Variants in CNOT4 observed in about 807,000 individuals in gnomAD.
The protein encoded by CNOT4 is CCR4-NOT transcription complex subunit 4.
In CNOT4, 8 loss-of-function variants were observed where a neutral mutation model predicts 73.8. The ratio of observed to expected loss-of-function variants is 0.11; its 90% CI spans 0.06 to 0.20. CNOT4 has a LOEUF of 0.20. Ranked by LOEUF, CNOT4 falls within the 10% of genes least tolerant of loss-of-function variation. The pLI is 1.00. For synonymous variants in CNOT4, 293 were observed against 321.1 expected (o/e 0.91, Z 0.94); for missense variants, 564 against 883.4 (o/e 0.64, Z 4.58).
intron 10 of CNOT4, among the ~76,000 whole-genome samples, chr7:135,385,681 ATATAAG>A (rs975361403): frequency 6.6e-6 from 1 of 152,220 alleles, no homozygotes; most frequent in Non-Finnish European, 1.5e-5. Flanking sequence ...AAAATTTGAA[ATATAAG>A]TATTCAATAC....
chr7:135,432,076 G>C (rs1798881715), intron 2 of CNOT4, among the ~76,000 whole-genome samples: 2 of 152,080 alleles, frequency 1.3e-5, no homozygotes, highest in African/African-American at 4.8e-5. Context: ...GAATAACAAA[G>C]TTGAAAACCT....
At position 135,447,276 on chromosome 7, in the gene CNOT4, G is replaced by A. The variant is rs191260833; in HGVS notation, c.-92-8853C>T. ...AGAGTAGCTATGAACAGTGTGCTAA[G>A]TGAAAAAGTTTAAATATCAGCACTA... On this transcript the variant is annotated intron_variant, in intron 1 of 11. Transcript: ENST00000541284. Among the ~76,000 whole-genome samples the A allele has an allele frequency of 1.2e-3, 184 of 152,296 alleles. 1 individual carries two copies. Among genetic ancestry groups the A allele is most frequent in the Non-Finnish European group, 4.1e-4 (28 of 68,010 alleles).
intron 3 of CNOT4, among the ~76,000 whole-genome samples, chr7:135,416,281 C>T (rs1461101695): frequency 6.6e-6 from 1 of 152,112 alleles, no homozygotes; most frequent in Admixed American, 6.6e-5. Context: ...AGAATCAAAG[C>T]TTCATGAATA....
At chr7:135,432,397 A>T (rs1256725426) in intron 2 of CNOT4, among the ~76,000 whole-genome samples, 1 of 152,162 alleles carries the variant, frequency 6.6e-6, no homozygotes, top group Non-Finnish European at 1.5e-5. Context: ...CCCTAGAGTT[A>T]ATCTGTTTTG....
At chr7:135,504,103 C>G (rs564008669) in intron 1 of CNOT4, among the ~76,000 whole-genome samples, 7 of 152,276 alleles carry the variant, frequency 4.6e-5, no homozygotes, top group African/African-American at 1.7e-4. Context: ...CACTTCCACT[C>G]TATTCCAAAC....
At position 135,397,438 on chromosome 7, in the gene CNOT4, T is replaced by G. The variant is rs1796755667; in HGVS notation, c.879+731A>C. Among the ~76,000 whole-genome samples, 5 of 152,300 alleles carry G rather than the reference T, an allele frequency of 3.3e-5. No homozygotes were observed. In the South Asian group the frequency reaches 1.0e-3, roughly 32 times the overall value. On this transcript the variant is annotated intron_variant, in intron 8 of 11. Coordinates refer to ENST00000541284, the MANE Select transcript of CNOT4 (RefSeq NM_001190850.2). ...CAAGGGGATATACAGATTTCCACAT[T>G]CTTTTACAAAATGTGTCATTAAAAC... is the stretch of plus-strand genomic sequence containing the variant.
chr7:135,402,592 T>C (rs567843619), intron 7 of CNOT4, among the ~76,000 whole-genome samples: 1 of 152,300 alleles, frequency 6.6e-6, no homozygotes, highest in South Asian at 2.1e-4. Flanking sequence ...TGGTATTTGA[T>C]GATCACTGAA....
At chr7:135,504,188 G>A (rs1473752377) in intron 1 of CNOT4, among the ~76,000 whole-genome samples, 3 of 151,994 alleles carry the variant, frequency 2.0e-5, no homozygotes, top group Non-Finnish European at 4.4e-5. Context: ...ATTAAGAAAT[G>A]CTCCACCCCT....
At chr7:135,383,533 G>A (rs760946210) in intron 10 of CNOT4, among the ~76,000 whole-genome samples, 24 of 152,142 alleles carry the variant, frequency 1.6e-4, no homozygotes, top group Non-Finnish European at 2.4e-4. Flanking sequence ...GATTCCCCAG[G>A]TGCCCATCTG....
chr7:135,457,908 G>A (rs568280227), intron 1 of CNOT4, among the ~76,000 whole-genome samples: 1 of 152,138 alleles, frequency 6.6e-6, no homozygotes, highest in Admixed American at 6.5e-5. Flanking sequence ...CACTCTTAAT[G>A]CAATCAACAT....
chr7:135,503,860 G>A (rs758244346), intron 1 of CNOT4, among the ~76,000 whole-genome samples: 1 of 152,058 alleles, frequency 6.6e-6, no homozygotes, highest in Admixed American at 6.6e-5. Flanking sequence ...ACTTCAATTA[G>A]AGCATTCACA....
chr7:135,430,106 A>G (rs1427838742), intron 2 of CNOT4, among the ~76,000 whole-genome samples: 1 of 152,242 alleles, frequency 6.6e-6, no homozygotes, highest in Non-Finnish European at 1.5e-5. Flanking sequence ...AAATAAAAAA[A>G]GAATACCAAT....
At chr7:135,414,569 C>A in intron 4 of CNOT4, 137 bp from the exon 5 acceptor site, 1 of 523,552 alleles carries the variant, frequency 1.9e-6, no homozygotes, top group East Asian at 3.0e-5. Flanking sequence ...GTAGTAGTGG[C>A]AGTTTTGATT....
At chr7:135,456,508 T>C (rs552697534) in intron 1 of CNOT4, among the ~76,000 whole-genome samples, 19 of 152,184 alleles carry the variant, frequency 1.2e-4, no homozygotes, top group African/African-American at 4.6e-4. Flanking sequence ...CTGTGGTATA[T>C]AATATGAAAT....
At chr7:135,406,202 A>T (rs529951126) in intron 7 of CNOT4, among the ~76,000 whole-genome samples, 2 of 152,170 alleles carry the variant, frequency 1.3e-5, no homozygotes, top group South Asian at 4.2e-4. Flanking sequence ...TTTCGCTATG[A>T]CTGACAGTCA....
Position 135,394,102 on chromosome 7 carries a change from C to G in CNOT4, c.1443G>C (p.Gln481His), listed in dbSNP as rs759397889. The change falls in exon 10 of 12, where the codon CAG becomes CAC. Residue 481 changes from glutamine to histidine, a missense_variant. By Grantham distance (24) the Gln-to-His change is conservative. This residue lies in a region of CNOT4 where 153 missense variants were observed against 158.7 expected (regional missense o/e 0.96). Coordinates refer to ENST00000541284, the MANE Select transcript of CNOT4 (RefSeq NM_001190850.2). ...TGAATGAATTATAAACCGCTCGGTG[C>G]TGCTGAAATTGAGGGAACCTCTGGG... The part of the protein sequence containing the change: ...VLPQRFPQFQ[Q>H]HRAVYNSFSF... 2 of 1,614,154 alleles carry G rather than the reference C, an allele frequency of 1.2e-6. No individual in the cohort carries two copies. Among genetic ancestry groups the G allele is most frequent in the South Asian group, 2.2e-5 (2 of 91,084 alleles).
intron 1 of CNOT4, among the ~76,000 whole-genome samples, chr7:135,463,534 TC>T (rs1438787600): frequency 1.0e-5 from 1 of 99,842 alleles, no homozygotes; most frequent in South Asian, 3.2e-4. Context: ...TGAGACTTCA[TC>T]CCCCCACCCA....
chr7:135,395,613 C>G (rs1796636375), intron 9 of CNOT4, 21 bp downstream of exon 9: 1 of 1,603,738 alleles, frequency 6.2e-7, no homozygotes, highest in South Asian at 1.1e-5. Flanking sequence ...ATTACTAATA[C>G]TTGGTACTAT....
At chr7:135,496,800 AC>A (rs1358644653) in intron 1 of CNOT4, among the ~76,000 whole-genome samples, 4 of 151,884 alleles carry the variant, frequency 2.6e-5, no homozygotes, top group African/African-American at 9.7e-5. Flanking sequence ...AGTTGAGTCC[AC>A]TGTTCTCTCA....
Sources: allele counts gnomAD v4.1 joint callset (sites outside exome capture counted in the v4.1 genomes callset), GRCh38; gene constraint gnomAD v4.1.1; regional missense constraint gnomAD v4.1.1; transcripts MANE v1.5; gene names NCBI Gene and HGNC (gene_info 2026-07-23, HGNC 2026-07-21).